Variants in STK32B observed in about 807,000 individuals in gnomAD.
The protein encoded by STK32B is serine/threonine-protein kinase 32B.
Under a neutral mutation model 52.6 loss-of-function variants are expected in STK32B, and 43 were observed. The ratio of observed to expected loss-of-function variants is 0.82; its 90% CI spans 0.64 to 1.05. The LOEUF is 1.05. Among genes scored for constraint, STK32B ranks in the 50% least tolerant of loss-of-function variants. The pLI is 0.00. For missense variants in STK32B, 621 were observed against 534.6 expected (o/e 1.16, Z -1.59); for synonymous variants, 238 against 204.3 (o/e 1.17, Z -1.41).
rs112925804 is a variant in STK32B, at chr4:5,404,092, G to T, written c.472+5848G>T. Among the ~76,000 whole-genome samples, 1,515 of 152,188 alleles carry T rather than the reference G, an allele frequency of 1.0e-2. 32 individuals carry two copies. The highest frequency in any genetic ancestry group is 0.033 in the African/African-American group (1,382 of 41,484). On this transcript the variant is annotated intron_variant, in intron 5 of 11. Coordinates refer to ENST00000282908, the MANE Select transcript of STK32B (RefSeq NM_018401.3). ...TTAAAGTCCTACAGACATGGTATGT[G>T]AGACACTGAGGACACCAGCAAATGG...
chr4:5,442,691 T>G (rs1237201286), intron 6 of STK32B, among the ~76,000 whole-genome samples: 1 of 152,186 alleles, frequency 6.6e-6, no homozygotes, highest in Non-Finnish European at 1.5e-5. Flanking sequence ...TGCAGTTTCT[T>G]CCTAGTCTTG....
intron 1 of STK32B, among the ~76,000 whole-genome samples, chr4:5,077,110 T>C (rs1414918412): frequency 6.6e-6 from 1 of 152,202 alleles, no homozygotes; most frequent in Non-Finnish European, 1.5e-5. Context: ...GAACCTTTTC[T>C]GCCACATTTC....
intron 4 of STK32B, among the ~76,000 whole-genome samples, chr4:5,397,972 T>G (rs1013839032): frequency 1.3e-5 from 2 of 152,162 alleles, no homozygotes; most frequent in Non-Finnish European, 2.9e-5. Flanking sequence ...ATTAAGAATA[T>G]TCAGGAAAAA....
At chr4:5,314,301 C>T (rs1486449752) in intron 3 of STK32B, among the ~76,000 whole-genome samples, 1 of 152,152 alleles carries the variant, frequency 6.6e-6, no homozygotes, top group Admixed American at 6.5e-5. Context: ...GGAAGGATAG[C>T]TTCTTCAACA....
Position 5,460,058 on chromosome 4 carries a change from G to A in STK32B, c.784-45G>A. On this transcript the variant is annotated intron_variant, in intron 8 of 11. Coordinates refer to ENST00000282908, the MANE Select transcript of STK32B (RefSeq NM_018401.3). The surrounding 1 kb of genome is among the most constrained non-coding windows in gnomAD (Gnocchi z 4.8). ...CTCCTTCAGAGTCCCCGCTAACCTTGAGGGATGCCCAATTCATGGAAACTC... is the reference window on the plus strand; with the variant it reads ...CTCCTTCAGAGTCCCCGCTAACCTTAAGGGATGCCCAATTCATGGAAACTC... The A allele has an allele frequency of 6.2e-7, 1 of 1,614,086 alleles. No homozygotes were observed. Among genetic ancestry groups the A allele is most frequent in the Non-Finnish European group, 8.5e-7 (1 of 1,180,014 alleles).
the STK32B span, among the ~76,000 whole-genome samples, chr4:5,024,322 A>T: frequency 6.6e-6 from 1 of 152,220 alleles, no homozygotes; most frequent in African/African-American, 2.4e-5. Context: ...GGCTTCCCTG[A>T]GGAAGAAAGA....
intron 1 of STK32B, among the ~76,000 whole-genome samples, chr4:5,111,145 T>C (rs1210046882): frequency 6.6e-6 from 1 of 152,134 alleles, no homozygotes; most frequent in East Asian, 1.9e-4. Context: ...GAAAGGCAAA[T>C]GCTCATACAC....
Position 5,495,042 on chromosome 4 carries a change from C to G in STK32B, c.1107-3903C>G, listed in dbSNP as rs576016777. Among the ~76,000 whole-genome samples the G allele has an allele frequency of 1.1e-4, 17 of 152,224 alleles. No homozygotes were observed. In the South Asian group the frequency reaches 3.5e-3, roughly 32 times the overall value. On this transcript the variant is annotated intron_variant, in intron 11 of 11. Transcript: ENST00000282908. ...TTCATTTCAACTTTGGTGAATCTGA[C>G]AATTATGTGTCTTGGAGTTGCTCTT...
intron 1 of STK32B, among the ~76,000 whole-genome samples, chr4:5,122,011 TCA>T (rs1213725081): frequency 3.9e-5 from 6 of 152,358 alleles, no homozygotes; most frequent in Admixed American, 1.3e-4. Context: ...GATTGTGTGT[TCA>T]CAGTGTCCAC....
intron 1 of STK32B, among the ~76,000 whole-genome samples, chr4:5,055,564 C>G (rs1430296589): frequency 6.6e-6 from 1 of 152,154 alleles, no homozygotes; most frequent in Non-Finnish European, 1.5e-5. Context: ...CTCCCTCCAG[C>G]CCTAGGCACA....
At chr4:5,226,101 G>T (rs1723854495) in intron 3 of STK32B, among the ~76,000 whole-genome samples, 1 of 152,200 alleles carries the variant, frequency 6.6e-6, no homozygotes, top group South Asian at 2.1e-4. Context: ...GACATTTTCA[G>T]TTGTGAAGGG....
At chr4:5,454,909 T>C (rs1037099905) in intron 7 of STK32B, among the ~76,000 whole-genome samples, 2 of 152,190 alleles carry the variant, frequency 1.3e-5, no homozygotes, top group Non-Finnish European at 2.9e-5. Flanking sequence ...ACTTTCCCAT[T>C]AGATTAAAAA....
At chr4:5,178,754 A>C (rs936860457) in intron 3 of STK32B, among the ~76,000 whole-genome samples, 29 of 152,300 alleles carry the variant, frequency 1.9e-4, no homozygotes, top group African/African-American at 7.0e-4. Flanking sequence ...GTGACCTTTA[A>C]TCCAGTTCCC....
At chr4:5,110,745 C>CA (rs1459147793) in intron 1 of STK32B, among the ~76,000 whole-genome samples, 1 of 151,304 alleles carries the variant, frequency 6.6e-6, no homozygotes, top group Non-Finnish European at 1.5e-5. Context: ...TGTGACAAAA[C>CA]AAAAAAATAG....
chr4:5,428,305 G>A (rs1480863032), intron 6 of STK32B, among the ~76,000 whole-genome samples: 1 of 152,028 alleles, frequency 6.6e-6, no homozygotes. Context: ...CTACTCGGGA[G>A]GCTGAGGCAG....
intron 1 of STK32B, among the ~76,000 whole-genome samples, chr4:5,089,001 CA>C (rs1248251097): frequency 6.6e-6 from 1 of 151,530 alleles, no homozygotes; most frequent in Non-Finnish European, 1.5e-5. Flanking sequence ...TCAAAAAAGC[CA>C]AAAATTTGCT....
chr4:5,331,393 G>A lies in STK32B; in HGVS notation c.434G>A (p.Arg145Lys). 7.5e-6 allele frequency: 12 copies of A among 1,608,434 alleles called. No homozygotes were observed. The highest frequency in any genetic ancestry group is 1.0e-5 in the Non-Finnish European group (12 of 1,176,572). ...EYLQRYHIIH[R>K]DIKPDNILLD... Reference sequence around the variant, plus strand: ...CTTCAGAGGTACCACATCATCCACAGGTAACTGGGCTGCTGGCGGGATGCC... The same window carrying A: ...CTTCAGAGGTACCACATCATCCACAAGTAACTGGGCTGCTGGCGGGATGCC... Residue 145 changes from arginine (R) to lysine (K), a missense_variant and splice_region_variant, in exon 4 of 12, where the codon AGA (arginine) becomes AAA (lysine). Physicochemically the swap from Arg to Lys is conservative, Grantham distance 26. Coordinates refer to ENST00000282908, the MANE Select transcript of STK32B (RefSeq NM_018401.3).
intron 3 of STK32B, among the ~76,000 whole-genome samples, chr4:5,260,692 G>A (rs1726655072): frequency 1.3e-5 from 2 of 152,200 alleles, no homozygotes; most frequent in Non-Finnish European, 2.9e-5. Context: ...GACGGGAGAG[G>A]TGGGATACTA....
intron 4 of STK32B, 42 bp downstream of exon 4, chr4:5,331,435 T>C: frequency 1.9e-6 from 3 of 1,569,854 alleles, no homozygotes; most frequent in Non-Finnish European, 2.6e-6. Flanking sequence ...AGAGGGACCA[T>C]GGGCTAGGGT....
Sources: allele counts gnomAD v4.1 joint callset (sites outside exome capture counted in the v4.1 genomes callset), GRCh38; gene constraint gnomAD v4.1.1; non-coding constraint Gnocchi (gnomAD v3.1); transcripts MANE v1.5; gene names NCBI Gene and HGNC (gene_info 2026-07-23, HGNC 2026-07-21).